EPB41L5: variants seen among roughly 807,000 people sequenced by gnomAD.
The protein encoded by EPB41L5 is erythrocyte membrane protein band 4.1 like 5.
EPB41L5 carries 55 observed loss-of-function variants against 106.6 expected under a neutral mutation model. The observed-to-expected ratio is 0.52, with a 90% CI of 0.42 to 0.65. The LOEUF (loss-of-function observed/expected upper bound fraction) is 0.65, where lower values mean the gene tolerates loss of function less well. EPB41L5 is among the 30% of genes least tolerant of loss of function. The pLI, the probability that EPB41L5 is intolerant of heterozygous loss-of-function variation, is 0.00. For synonymous variants in EPB41L5, 297 were observed against 306.7 expected (o/e 0.97, Z 0.33); for missense variants, 871 against 882.1 (o/e 0.99, Z 0.16).
At chr2:120,048,193 T>G (rs1330716626) in intron 3 of EPB41L5, among the ~76,000 whole-genome samples, 1 of 152,216 alleles carries the variant, frequency 6.6e-6, no homozygotes, top group Non-Finnish European at 1.5e-5. Flanking sequence ...TAGGGAGGAT[T>G]CCCTCTTTCT....
intron 24 of EPB41L5, 47 bp from the exon 25 acceptor site, chr2:120,174,794 C>G (rs1420395442): frequency 5.7e-6 from 9 of 1,577,364 alleles, no homozygotes; most frequent in Non-Finnish European, 7.8e-6. Flanking sequence ...ATGTCCTCCT[C>G]CAAACCCCAG....
In EPB41L5 at chr2:120,040,996, CT is replaced by C. The variant is rs1431691200; in HGVS notation, c.181-1006del. Among the ~76,000 whole-genome samples the C allele has an allele frequency of 2.6e-5, 4 of 151,906 alleles. No homozygotes were observed. The East Asian group carries it at 7.7e-4, about 29-fold the overall frequency. On this transcript the variant is annotated intron_variant, in intron 2 of 24. Transcript: ENST00000263713. ...ATGAAAATTGAGGATCCCAACAATG[CT>C]TTTGCTTATGTGGATTATACCTACC...
At chr2:120,157,917 A>G (rs1463285272) in intron 20 of EPB41L5, among the ~76,000 whole-genome samples, 1 of 152,176 alleles carries the variant, frequency 6.6e-6, no homozygotes, top group East Asian at 1.9e-4. Flanking sequence ...CAAAGGGGAT[A>G]TTACCACTGA....
At chr2:120,049,667 A>G (rs1325195632) in intron 3 of EPB41L5, among the ~76,000 whole-genome samples, 1 of 152,058 alleles carries the variant, frequency 6.6e-6, no homozygotes, top group Non-Finnish European at 1.5e-5. Context: ...ATTTACGTTT[A>G]AGGTTAATAT....
In EPB41L5 at chr2:120,056,359, G is replaced by A. The variant is rs547938495; in HGVS notation, c.285+14249G>A. ...TTGTTGCCCAGGTTGGAGTGCAGTG[G>A]CGTGATCTCAGCTCACTGCAACATC... On this transcript the variant is annotated intron_variant, in intron 3 of 24. Coordinates refer to ENST00000263713, the MANE Select transcript of EPB41L5 (RefSeq NM_020909.4). Among the ~76,000 whole-genome samples the A allele has an allele frequency of 3.3e-5, 5 of 151,662 alleles. No individual in the cohort carries two copies. In the South Asian group the frequency reaches 1.0e-3, roughly 32 times the overall value.
intron 20 of EPB41L5, among the ~76,000 whole-genome samples, chr2:120,154,851 G>C (rs967205186): frequency 6.6e-6 from 1 of 152,112 alleles, no homozygotes; most frequent in Non-Finnish European, 1.5e-5. Context: ...GCGTGAACCT[G>C]GGAGGCGGAG....
At chr2:120,032,799 T>C (rs943679191) in intron 2 of EPB41L5, among the ~76,000 whole-genome samples, 30 of 152,240 alleles carry the variant, frequency 2.0e-4, no homozygotes, top group African/African-American at 6.5e-4. Flanking sequence ...TGTTATACTG[T>C]AAGAGTAACA....
intron 20 of EPB41L5, among the ~76,000 whole-genome samples, chr2:120,151,410 C>G (rs1207934494): frequency 6.6e-6 from 1 of 152,068 alleles, no homozygotes; most frequent in Non-Finnish European, 1.5e-5. Context: ...TATTTCTATA[C>G]ACTAGCAGTG....
chr2:120,160,012 T>C (rs548619928), intron 20 of EPB41L5, among the ~76,000 whole-genome samples: 43 of 152,238 alleles, frequency 2.8e-4, no homozygotes, highest in Non-Finnish European at 5.6e-4. Flanking sequence ...GGGAGCTAAA[T>C]GATGAGAACA....
chr2:120,160,783 A>G, intron 20 of EPB41L5, 98 bp from the exon 21 acceptor site: 5 of 798,014 alleles, frequency 6.3e-6, no homozygotes, highest in Admixed American at 2.2e-5. Context: ...CTTCCCCTAC[A>G]TGAATTTGTT....
rs200420484 is a variant in EPB41L5 at position 120,167,467 on chromosome 2, T to G, written c.1964T>G (p.Val655Gly). 5.6e-5 allele frequency: 91 copies of G among 1,612,840 alleles called. No individual in the cohort carries two copies. Among genetic ancestry groups the G allele is most frequent in the Non-Finnish European group, 7.3e-5 (86 of 1,179,042 alleles). ...NLIDHTVAPQ[V>G]SSTSMITPRW... ...TACATACATATAAAATTATTTCAGG[T>G]GTCTTCCACATCCATGATCACACCC... The change falls in exon 23 of 25, where the codon GTG becomes GGG. Residue 655 changes from valine (V) to glycine (G), a missense_variant and splice_region_variant. Val to Gly is a moderately radical substitution (Grantham distance 109). Transcript: ENST00000263713.
intron 20 of EPB41L5, among the ~76,000 whole-genome samples, chr2:120,158,538 C>G (rs185373519): frequency 5.3e-5 from 8 of 152,300 alleles, no homozygotes; most frequent in African/African-American, 1.7e-4. Flanking sequence ...AAATTCAACA[C>G]TGCTTCGGGT....
intron 24 of EPB41L5, among the ~76,000 whole-genome samples, chr2:120,170,517 C>T (rs1687629136): frequency 6.6e-6 from 1 of 152,236 alleles, no homozygotes; most frequent in South Asian, 2.1e-4. Context: ...AGAAGCTGCC[C>T]TCAGTCCTTA....
chr2:120,126,418 GT>G (rs1259756908), intron 16 of EPB41L5, among the ~76,000 whole-genome samples: 1 of 151,964 alleles, frequency 6.6e-6, no homozygotes, highest in African/African-American at 2.4e-5. Flanking sequence ...TTGTTCTAAA[GT>G]TTTACAGTTT....
Position 120,176,959 on chromosome 2 carries a change from T to C in EPB41L5, c.*2052T>C, listed in dbSNP as rs1207451874. 6.6e-6 allele frequency: 1 copy of C among 152,214 alleles called. No homozygotes were observed. The highest frequency in any genetic ancestry group is 1.5e-5 in the Non-Finnish European group (1 of 68,044). The allele number at this position is 152,214 out of a possible 1,614,324, so 9.4% of individuals were successfully genotyped here. A position where few individuals can be genotyped will look rare whatever the true frequency, so the allele number is the denominator to read the frequency against. ...AGTTAGAATATTGGTAGGGACTTTG[T>C]TAAAATTCACTTGAATTTCAAGCTC... On this transcript the variant is annotated 3_prime_UTR_variant, in exon 25 of 25. Coordinates refer to ENST00000263713, the MANE Select transcript of EPB41L5 (RefSeq NM_020909.4).
chr2:120,097,694 T>C (rs1403137584), intron 14 of EPB41L5, among the ~76,000 whole-genome samples: 1 of 152,192 alleles, frequency 6.6e-6, no homozygotes, highest in African/African-American at 2.4e-5. Flanking sequence ...GTAGAAGGTA[T>C]ACTATGTAAA....
At chr2:120,129,478 G>A (rs1685605164) in intron 17 of EPB41L5, among the ~76,000 whole-genome samples, 1 of 152,040 alleles carries the variant, frequency 6.6e-6, no homozygotes. Context: ...TATTTCCAGG[G>A]TTAAAAATAA....
chr2:120,087,228 AGAT>A lies in EPB41L5; in HGVS notation c.868_870del (p.Asp290del), dbSNP rs1558863067. ...ATAAATTAACCTTGGTGGTTGTAGA[AGAT>A]GATGATCAGGTAGGAATAAAATTAT... On this transcript the variant is annotated inframe_deletion, in exon 11 of 25. Transcript: ENST00000263713. 2 of 1,568,972 alleles carry A rather than the reference AGAT, an allele frequency of 1.3e-6. No homozygotes were observed. Among genetic ancestry groups the A allele is most frequent in the African/African-American group, 1.4e-5 (1 of 74,066 alleles).
At chr2:120,117,868 A>G (rs1202908772) in intron 16 of EPB41L5, among the ~76,000 whole-genome samples, 1 of 152,164 alleles carries the variant, frequency 6.6e-6, no homozygotes, top group East Asian at 1.9e-4. Context: ...CCATTTTTAA[A>G]CAAGGCTGTT....
Sources: allele counts gnomAD v4.1 joint callset (sites outside exome capture counted in the v4.1 genomes callset), GRCh38; gene constraint gnomAD v4.1.1; transcripts MANE v1.5; gene names NCBI Gene and HGNC (gene_info 2026-07-23, HGNC 2026-07-21).